The following MGME1 variants were observed in gnomAD, a reference collection of about 807,000 sequenced individuals.
The protein encoded by MGME1 is chromosome 20 open reading frame 72.
In MGME1, 22 loss-of-function variants were observed where a neutral mutation model predicts 33.0. The ratio of observed to expected loss-of-function variants is 0.67; its 90% CI spans 0.48 to 0.95. The LOEUF (loss-of-function observed/expected upper bound fraction) is 0.95. Ranked by LOEUF, MGME1 falls within the 40% of genes least tolerant of loss-of-function variation. The pLI, the probability that MGME1 is intolerant of heterozygous loss-of-function variation, is 0.00. For synonymous variants in MGME1, 133 were observed against 144.0 expected (o/e 0.92, Z 0.55); for missense variants, 383 against 397.8 (o/e 0.96, Z 0.32).
chr20:17,984,861 C>T (rs1336575360), intron 3 of MGME1, among the ~76,000 whole-genome samples: 1 of 151,632 alleles, frequency 6.6e-6, no homozygotes, highest in East Asian at 1.9e-4. Flanking sequence ...CACGATGAAA[C>T]TCCGTCTTTG....
At chr20:17,982,150 C>G (rs1390199719) in intron 3 of MGME1, among the ~76,000 whole-genome samples, 2 of 152,020 alleles carry the variant, frequency 1.3e-5, no homozygotes, top group Non-Finnish European at 2.9e-5. Context: ...TTTCTTGAGA[C>G]GGAGTTTCAC....
Position 17,969,886 on chromosome 20 carries a change from TTGCA to T in MGME1, c.28_31del (p.Cys10GlyfsTer31). 6.2e-7 allele frequency: 1 copy of T among 1,611,304 alleles called. No individual in the cohort carries two copies. Among genetic ancestry groups the T allele is most frequent in the Non-Finnish European group, 8.5e-7 (1 of 1,179,282 alleles). The stretch of plus-strand genomic sequence containing the variant: ...TGAAGATGAAGTTATTTCAGACCAT[TTGCA>T]GGCAGCTCAGGAGTTCAAAGTTTTC... On this transcript the variant is annotated frameshift_variant, in exon 2 of 5. Coordinates refer to ENST00000377710, the MANE Select transcript of MGME1 (RefSeq NM_052865.4). LOFTEE classifies it high-confidence loss of function.
Position 17,976,188 on chromosome 20 carries a change from A to G in MGME1, c.731+285A>G, listed in dbSNP as rs142177287. ...ACCCAAGCTGGAGTGCAGTGGTGCA[A>G]TCTTGGCTCACTGCAACCTCCGTCT... On this transcript the variant is annotated intron_variant, in intron 3 of 4. Transcript: ENST00000377710. 1.4e-3 allele frequency among the ~76,000 whole-genome samples: 215 copies of G among 152,258 alleles called. 1 individual carries two copies. The highest frequency in any genetic ancestry group is 2.0e-3 in the Non-Finnish European group (136 of 68,008).
chr20:17,977,048 C>A (rs1179512872), intron 3 of MGME1, among the ~76,000 whole-genome samples: 1 of 152,006 alleles, frequency 6.6e-6, no homozygotes, highest in Non-Finnish European at 1.5e-5. Context: ...CTGATCCAGA[C>A]CCCGAGAGGG....
intron 2 of MGME1, among the ~76,000 whole-genome samples, chr20:17,975,442 A>T (rs1052444462): frequency 2.0e-5 from 3 of 151,932 alleles, no homozygotes; most frequent in African/African-American, 7.3e-5. Flanking sequence ...CTGTAATCCC[A>T]GCTACTCAGG....
chr20:17,987,807 C>G (rs1017483381), intron 3 of MGME1, among the ~76,000 whole-genome samples: 2 of 152,130 alleles, frequency 1.3e-5, no homozygotes, highest in Non-Finnish European at 2.9e-5. Context: ...CTGGTCCACT[C>G]TCTGTATCCT....
At chr20:17,982,491 T>A (rs2036049157) in intron 3 of MGME1, among the ~76,000 whole-genome samples, 1 of 152,224 alleles carries the variant, frequency 6.6e-6, no homozygotes, top group Non-Finnish European at 1.5e-5. Flanking sequence ...CGGACATGAC[T>A]GCTTCTTAAA....
intron 3 of MGME1, among the ~76,000 whole-genome samples, chr20:17,979,599 G>T (rs1306693446): frequency 1.3e-5 from 2 of 149,454 alleles, no homozygotes; most frequent in East Asian, 2.0e-4. Flanking sequence ...TGTATTTTTA[G>T]TAGAGACAGG....
intron 3 of MGME1, among the ~76,000 whole-genome samples, chr20:17,985,201 A>G (rs1600401731): frequency 1.3e-5 from 2 of 152,346 alleles, no homozygotes; most frequent in South Asian, 4.1e-4. Flanking sequence ...AGGTGGGTGG[A>G]TCACCTGAGG....
intron 2 of MGME1, among the ~76,000 whole-genome samples, chr20:17,975,174 C>T (rs1047842766): frequency 3.3e-5 from 5 of 152,114 alleles, no homozygotes; most frequent in African/African-American, 1.2e-4. Context: ...TACCTAACGT[C>T]CTATTAATAA....
intron 2 of MGME1, 40 bp from the exon 3 acceptor site, chr20:17,975,644 T>C (rs781253014): frequency 6.9e-7 from 1 of 1,447,388 alleles, no homozygotes; most frequent in Non-Finnish European, 9.7e-7. Context: ...TAGCTTTGTT[T>C]GTGTTTCCCC....
chr20:17,976,044 G>C (rs904705006), intron 3 of MGME1, 141 bp downstream of exon 3: 2 of 667,510 alleles, frequency 3.0e-6, no homozygotes, highest in Non-Finnish European at 5.3e-6. Context: ...GGGCGGGGTT[G>C]AGAACAGGTA....
In MGME1 at chr20:17,970,040, T is replaced by C. The variant is rs1022018581; in HGVS notation, c.181T>C (p.Ser61Pro). The change falls in exon 2 of 5, where the codon TCA becomes CCA. Residue 61 changes from serine (S) to proline (P), a missense_variant. Transcript: ENST00000377710. ...KYSNLVQSVL[S>P]SRGVAQTPGS... ...CTCTAATTTAGTTCAGTCTGTCTTG[T>C]CATCCAGAGGCGTCGCCCAGACCCC... is the stretch of plus-strand genomic sequence containing the variant. 2 of 1,614,078 alleles carry C rather than the reference T, an allele frequency of 1.2e-6. No individual in the cohort carries two copies. The highest frequency in any genetic ancestry group is 2.7e-5 in the African/African-American group (2 of 74,926).
intron 2 of MGME1, among the ~76,000 whole-genome samples, chr20:17,971,351 A>G (rs1360473505): frequency 6.6e-6 from 1 of 152,224 alleles, no homozygotes; most frequent in East Asian, 1.9e-4. Flanking sequence ...TATATGCAAG[A>G]GCTAACTGCC....
intron 2 of MGME1, among the ~76,000 whole-genome samples, chr20:17,972,427 T>C (rs901395808): frequency 2.4e-4 from 33 of 138,874 alleles, no homozygotes; most frequent in African/African-American, 8.3e-4. Flanking sequence ...GGATGGGGTT[T>C]AGGTTTTAAT....
intron 4 of MGME1, 87 bp from the exon 5 acceptor site, chr20:17,989,852 C>G (rs940675913): frequency 5.7e-6 from 7 of 1,233,848 alleles, no homozygotes; most frequent in Non-Finnish European, 8.0e-6. Context: ...TTATTTTATA[C>G]TGAGTTTGCC....
At chr20:17,973,873 G>T (rs1029940276) in intron 2 of MGME1, among the ~76,000 whole-genome samples, 1 of 152,148 alleles carries the variant, frequency 6.6e-6, no homozygotes, top group African/African-American at 2.4e-5. Context: ...TGCCTGGTGG[G>T]ATAGGGCCTC....
At chr20:17,970,428 C>T (rs567819361) in intron 2 of MGME1, 58 bp downstream of exon 2, 106 of 1,506,482 alleles carry the variant, frequency 7.0e-5, no homozygotes, top group Non-Finnish European at 9.0e-5. Context: ...TAGAGAGCAA[C>T]GGTGTCAAAA....
rs1555789695 is a variant in MGME1, at chr20:17,974,069, T to TTTG, written c.512-1613_512-1612insGTT. Among the ~76,000 whole-genome samples, 351 of 142,124 alleles carry TTTG rather than the reference T, an allele frequency of 2.5e-3. 3 individuals carry two copies. Among genetic ancestry groups the TTTG allele is most frequent in the African/African-American group, 9.3e-3 (340 of 36,412 alleles). 93.2% of individuals were successfully genotyped at this position (142,124 alleles called of 152,430 possible). A position where few individuals can be genotyped will look rare whatever the true frequency, so the allele number is the denominator to read the frequency against. On this transcript the variant is annotated intron_variant, in intron 2 of 4. Transcript: ENST00000377710. ...GTTGAGTCTCTTTGTGTGTTTTTTT[T>TTTG]TTTTTTTTTTTTTTTGAGATTGTCT...
Sources: gnomAD v4.1 joint callset for allele counts (sites outside exome capture counted in the v4.1 genomes callset) on GRCh38, gnomAD v4.1.1 for gene constraint, MANE v1.5 for transcripts, NCBI Gene and HGNC (gene_info 2026-07-23, HGNC 2026-07-21) for gene names.